The following FBP2 variants were observed in gnomAD, a reference collection of about 807,000 sequenced individuals.
FBP2 encodes fructose-bisphosphatase 2, also known as fructose-1,6-bisphosphatase isozyme 2.
FBP2 carries 27 observed loss-of-function variants against 31.6 expected under a neutral mutation model. The observed-to-expected ratio is 0.85, with a 90% confidence interval of 0.63 to 1.18. FBP2 has a LOEUF of 1.18. Ranked by LOEUF, FBP2 falls within the 50% of genes most tolerant of loss-of-function variation. The pLI is 0.00. For missense variants in FBP2, 421 were observed against 436.1 expected, an observed-to-expected ratio of 0.97 and a Z score of 0.31; for synonymous variants, 168 against 179.8, an observed-to-expected ratio of 0.93 and a Z score of 0.53.
chr9:94,563,054 T>C (rs116799517), intron 6 of FBP2, among the ~76,000 whole-genome samples: 64 of 152,296 alleles, frequency 4.2e-4, no homozygotes, highest in African/African-American at 1.5e-3. Context: ...ATGCAGCCTG[T>C]GGAAAGTGAG....
At chr9:94,585,542 G>A (rs1827417579) in intron 2 of FBP2, among the ~76,000 whole-genome samples, 1 of 151,376 alleles carries the variant, frequency 6.6e-6, no homozygotes, top group East Asian at 2.0e-4. Flanking sequence ...CCATGAGGGG[G>A]GGTCACATTT....
chr9:94,576,469 G>C (rs959399149), intron 3 of FBP2, among the ~76,000 whole-genome samples: 1 of 152,174 alleles, frequency 6.6e-6, no homozygotes, highest in Non-Finnish European at 1.5e-5. Flanking sequence ...GGGGGCCCAA[G>C]CCCATGGTCT....
chr9:94,575,527 C>T (rs1827307515), intron 3 of FBP2, among the ~76,000 whole-genome samples: 1 of 152,186 alleles, frequency 6.6e-6, no homozygotes, highest in Admixed American at 6.5e-5. Context: ...TCTCCATTCT[C>T]ATGTTGATAT....
intron 5 of FBP2, among the ~76,000 whole-genome samples, 168 bp downstream of exon 5, chr9:94,567,102 A>G (rs1451609995): frequency 5.4e-5 from 8 of 148,212 alleles, no homozygotes; most frequent in Non-Finnish European, 8.9e-5. Context: ...TTAGCTATAT[A>G]AGATACTGAA....
In FBP2 at chr9:94,587,438, C is replaced by T. The variant is rs747985151; in HGVS notation, c.202G>A (p.Gly68Arg). 1 of 1,614,098 alleles carries T rather than the reference C, an allele frequency of 6.2e-7. No homozygotes were observed. ...ACATCCAGTTTCTTCACCTCATCTC[C>T]CGTCACGTTAACGCTTCCTGCGATT... ...YGIAGSVNVT[G>R]DEVKKLDVLS... Residue 68 changes from glycine (G) to arginine (R), a missense_variant, in exon 2 of 7, where the codon GGA becomes AGA. Transcript: ENST00000375337.
chr9:94,565,852 G>A (rs185846569), intron 5 of FBP2, among the ~76,000 whole-genome samples: 23 of 152,296 alleles, frequency 1.5e-4, no homozygotes, highest in South Asian at 4.2e-4. Flanking sequence ...ATAGATGCTC[G>A]TAACTTGGGG....
intron 4 of FBP2, chr9:94,567,677 G>A: frequency 2.6e-6 from 1 of 389,976 alleles, no homozygotes; most frequent in Non-Finnish European, 4.6e-6. Flanking sequence ...CTTTTCCTGT[G>A]CATCTTCCAC....
In FBP2 at chr9:94,571,538, C is replaced by A. The variant is rs1019374520; in HGVS notation, c.491G>T (p.Gly164Val). The change falls in exon 4 of 7, where the codon GGT (glycine) becomes GTT (valine). Residue 164 changes from glycine to valine, a missense_variant. Coordinates refer to ENST00000375337, the MANE Select transcript of FBP2 (RefSeq NM_003837.4). Reference protein sequence around the residue: ...LQCGRNIVAAGYALYGSATLV... With the variant: ...LQCGRNIVAAVYALYGSATLV... ...GGTTGCACTACCGTACAGCGCATAA[C>A]CTGCGGCCACAATATTGCGGCCACA... 6.2e-7 allele frequency: 1 copy of A among 1,614,076 alleles called. No individual in the cohort carries two copies.
intron 2 of FBP2, 41 bp downstream of exon 2, chr9:94,587,266 A>T (rs1424515087): frequency 6.4e-7 from 1 of 1,558,154 alleles, no homozygotes; most frequent in Non-Finnish European, 8.7e-7. Flanking sequence ...GCTCAGTATC[A>T]TCATCTACTG....
At chr9:94,565,138 C>T (rs1188223820) in intron 5 of FBP2, among the ~76,000 whole-genome samples, 1 of 152,070 alleles carries the variant, frequency 6.6e-6, no homozygotes, top group African/African-American at 2.4e-5. Context: ...TTTTGGGAGG[C>T]CAAGGCAGGT....
chr9:94,582,877 A>C (rs1827388184), intron 3 of FBP2, among the ~76,000 whole-genome samples: 3 of 97,074 alleles, frequency 3.1e-5, no homozygotes, highest in African/African-American at 4.3e-5. Flanking sequence ...TTTTTGAGAC[A>C]CAGTTTCACT....
intron 1 of FBP2, among the ~76,000 whole-genome samples, chr9:94,592,604 G>A (rs552703504): frequency 1.3e-5 from 2 of 152,242 alleles, no homozygotes; most frequent in African/African-American, 4.8e-5. Context: ...GTACGATCTC[G>A]ACTCACCGCA....
Position 94,593,669 on chromosome 9 carries a change from C to G in FBP2, c.58G>C (p.Glu20Gln). 2 of 1,614,240 alleles carry G rather than the reference C, an allele frequency of 1.2e-6. No individual in the cohort carries two copies. The highest frequency in any genetic ancestry group is 1.7e-6 in the Non-Finnish European group (2 of 1,180,036). Residue 20 changes from glutamate (E) to glutamine (Q), a missense_variant, in exon 1 of 7, where the codon GAA (glutamate) becomes CAA (glutamine). Transcript: ENST00000375337. ...DMLTLTRYVM[E>Q]KGRQAKGTGE... ...GTCCCTTTGGCCTGACGCCCCTTTT[C>G]CATAACGTAGCGGGTCAGGGTGAGC... is the stretch of plus-strand genomic sequence containing the variant.
intron 4 of FBP2, chr9:94,568,862 C>G (rs1314663012): frequency 6.6e-6 from 1 of 152,160 alleles, no homozygotes; most frequent in Non-Finnish European, 1.5e-5. Context: ...CAGACAATAT[C>G]CAATCCAGAC....
rs769164820 is a variant in FBP2 at position 94,559,064 on chromosome 9, C to T, written c.894G>A (p.Thr298=). ...IIEQAGGLAT[T]GTQPVLDVKP... ...TCACGTCCAGTACAGGCTGGGTCCC[C>T]GTGGTCGCCAAGCCTCCTGCCTGCT... is the stretch of plus-strand genomic sequence containing the variant. Residue 298 remains threonine (T), a synonymous_variant, in exon 7 of 7, where the codon ACG becomes ACA. Transcript: ENST00000375337. The T allele has an allele frequency of 2.0e-5, 33 of 1,613,952 alleles. No individual in the cohort carries two copies. Among genetic ancestry groups the T allele is most frequent in the African/African-American group, 9.3e-5 (7 of 74,906 alleles).
rs1827051271 is a variant in FBP2, at chr9:94,558,982, G to A, written c.976C>T (p.Gln326Ter). ...PLILGSPEDV[Q>*]EYLTCVQKNQ... is the part of the protein sequence containing the mutation. The stretch of plus-strand genomic sequence containing the variant: ...TTCTGCACACAGGTGAGATATTCCT[G>A]CACATCCTCTGGTGACCCCAGAATG... Residue 326 changes from glutamine (Q) to a stop codon, truncating the protein, a stop_gained, in exon 7 of 7, where the codon CAG (glutamine) becomes TAG (stop). Coordinates refer to ENST00000375337, the MANE Select transcript of FBP2 (RefSeq NM_003837.4). LOFTEE classifies it high-confidence loss of function. 1.2e-6 allele frequency: 2 copies of A among 1,614,008 alleles called. No homozygotes were observed. The highest frequency in any genetic ancestry group is 2.2e-5 in the East Asian group (1 of 44,872).
intron 1 of FBP2, among the ~76,000 whole-genome samples, chr9:94,589,907 A>G (rs1405657005): frequency 6.6e-6 from 1 of 152,148 alleles, no homozygotes; most frequent in African/African-American, 2.4e-5. Context: ...ACTGCATCTG[A>G]GTTTCAGGGG....
At chr9:94,577,903 A>G (rs1238453531) in intron 3 of FBP2, 1 of 152,216 alleles carries the variant, frequency 6.6e-6, no homozygotes, top group Non-Finnish European at 1.5e-5. Flanking sequence ...TGTAATGTAC[A>G]TGTTATAGTT....
chr9:94,589,589 C>T (rs1827467944), intron 1 of FBP2, among the ~76,000 whole-genome samples: 1 of 152,200 alleles, frequency 6.6e-6, no homozygotes, highest in Admixed American at 6.5e-5. Flanking sequence ...TTTCCTTTGC[C>T]TACTGATGTG....
Sources: allele counts gnomAD v4.1 joint callset (sites outside exome capture counted in the v4.1 genomes callset), GRCh38; gene constraint gnomAD v4.1.1; transcripts MANE v1.5; gene names NCBI Gene and HGNC (gene_info 2026-07-23, HGNC 2026-07-21).